The following TF variants were observed in gnomAD, a reference collection of about 807,000 sequenced individuals.
The protein encoded by TF is transferrin, also known as serotransferrin.
Under a neutral mutation model 82.4 loss-of-function variants are expected in TF, and 55 were observed. The ratio of observed to expected loss-of-function variants is 0.67; its 90% CI spans 0.54 to 0.84. The LOEUF (loss-of-function observed/expected upper bound fraction) is 0.84, where lower values mean the gene tolerates loss of function less well. Ranked by LOEUF, TF falls within the 40% of genes least tolerant of loss-of-function variation. TF has a pLI of 0.00. For missense variants in TF, 737 were observed against 868.4 expected, an observed-to-expected ratio of 0.85 and a Z score of 1.90; for synonymous variants, 332 against 332.6, an observed-to-expected ratio of 1.00 and a Z score of 0.02.
Position 133,795,521 on chromosome 3 carries a change from A to G in TF, c.*16901A>G, listed in dbSNP as rs1934944189. 1 of 151,226 alleles carries G rather than the reference A, an allele frequency of 6.6e-6. No homozygotes were observed. 9.4% of individuals were successfully genotyped at this position (151,226 alleles called of 1,614,324 possible). On this transcript the variant is annotated 3_prime_UTR_variant, in exon 17 of 17. Transcript: ENST00000402696. ...GAGAGTGGTGCTAAGTAAGGCCCTA[A>G]GTTTTGGTCACACTCTCACTTAAGT... is the stretch of plus-strand genomic sequence containing the variant.
At chr3:133,728,889 G>A in the TF span, among the ~76,000 whole-genome samples, 1 of 152,214 alleles carries the variant, frequency 6.6e-6, no homozygotes, top group African/African-American at 2.4e-5. Context: ...ACCCTCAGCT[G>A]CAGGACTGTT....
chr3:133,748,276 C>CCTA, intron 1 of TF, 136 bp from the exon 2 acceptor site: 2 of 1,098,598 alleles, frequency 1.8e-6, no homozygotes, highest in East Asian at 5.1e-5. Context: ...GAACTTGTGC[C>CCTA]CTGTAGTGTT....
chr3:133,757,239 G>A (rs8177235), intron 7 of TF, among the ~76,000 whole-genome samples: 11,527 of 152,232 alleles, frequency 0.076, 562 homozygotes, highest in East Asian at 0.24. Context: ...GACACCTGAA[G>A]AGGCTCTGTA....
the TF span, among the ~76,000 whole-genome samples, chr3:133,689,907 T>C: frequency 3.9e-5 from 6 of 152,204 alleles, no homozygotes; most frequent in African/African-American, 1.4e-4. Context: ...TACATATTTA[T>C]GGGGTAAATG....
the TF span, chr3:133,665,071 T>G: frequency 2.0e-5 from 3 of 152,164 alleles, no homozygotes; most frequent in Admixed American, 6.5e-5. Flanking sequence ...TCTAGTACTT[T>G]AGGAGGCCCA....
upstream of TF, among the ~76,000 whole-genome samples, chr3:133,742,707 C>A (rs1800276): frequency 6.6e-6 from 1 of 152,086 alleles, no homozygotes; most frequent in African/African-American, 2.4e-5. Flanking sequence ...GGGTGGGGGA[C>A]AGGAGGAACT....
chr3:133,694,377 A>G, the TF span: 1 of 152,992 alleles, frequency 6.5e-6, no homozygotes, highest in Non-Finnish European at 1.5e-5. Context: ...GTGAGACCCC[A>G]CTGCTCCTCC....
intron 11 of TF, among the ~76,000 whole-genome samples, chr3:133,765,333 C>G (rs1187909667): frequency 6.6e-6 from 1 of 152,178 alleles, no homozygotes; most frequent in African/African-American, 2.4e-5. Flanking sequence ...CAATAGAGAG[C>G]CTCACACAGG....
chr3:133,718,314 A>G, the TF span, among the ~76,000 whole-genome samples: 6 of 152,222 alleles, frequency 3.9e-5, no homozygotes, highest in Non-Finnish European at 7.3e-5. Flanking sequence ...AAGGTTGCCA[A>G]GAGTGAGGGC....
At chr3:133,764,837 A>C (rs1426230455) in intron 10 of TF, 38 bp from the exon 11 acceptor site, 2 of 1,602,300 alleles carry the variant, frequency 1.2e-6, no homozygotes, top group East Asian at 2.2e-5. Flanking sequence ...TCTATAAATC[A>C]GGGTTTAATG....
Position 133,781,327 on chromosome 3 carries a change from A to T in TF, c.*2707A>T, listed in dbSNP as rs907097188. Reference sequence around the variant, plus strand: ...GCAAAACTCTGTCTCAAAATAATAAAAATAATAATAATAATAAATAAAGTG... The same window carrying T: ...GCAAAACTCTGTCTCAAAATAATAATAATAATAATAATAATAAATAAAGTG... On this transcript the variant is annotated 3_prime_UTR_variant, in exon 17 of 17. Coordinates refer to ENST00000402696, the MANE Select transcript of TF (RefSeq NM_001063.4). 2.0e-5 allele frequency: 3 copies of T among 152,002 alleles called. No individual in the cohort carries two copies. Among genetic ancestry groups the T allele is most frequent in the African/African-American group, 4.8e-5 (2 of 41,424 alleles). 9.4% of individuals were successfully genotyped at this position (152,002 alleles called of 1,614,324 possible). A position where few individuals can be genotyped will look rare whatever the true frequency, so the allele number is the denominator to read the frequency against.
At chr3:133,685,918 G>T in the TF span, among the ~76,000 whole-genome samples, 3 of 152,144 alleles carry the variant, frequency 2.0e-5, no homozygotes, top group Admixed American at 2.0e-4. Flanking sequence ...GAACAAAGCT[G>T]GAGGCATCAC....
chr3:133,711,718 A>G, the TF span, among the ~76,000 whole-genome samples: 3 of 152,206 alleles, frequency 2.0e-5, no homozygotes, highest in Non-Finnish European at 4.4e-5. Context: ...CAATCTTTGC[A>G]AAGTGCAGAT....
chr3:133,780,938 G>A lies in TF; in HGVS notation c.*2318G>A, dbSNP rs1934503020. 1 of 152,180 alleles carries A rather than the reference G, an allele frequency of 6.6e-6. No individual in the cohort carries two copies. Among genetic ancestry groups the A allele is most frequent in the South Asian group, 2.1e-4 (1 of 4,822 alleles). The allele number at this position is 152,180 out of a possible 1,614,324, so 9.4% of individuals were successfully genotyped here. A position where few individuals can be genotyped will look rare whatever the true frequency, so the allele number is the denominator to read the frequency against. ...TGAAGCATGAGAAGTGCTTGATCCT[G>A]GGAGGCAGAGGTTGCAGTGAGCCAA... is the stretch of plus-strand genomic sequence containing the variant. On this transcript the variant is annotated 3_prime_UTR_variant, in exon 17 of 17. Coordinates refer to ENST00000402696, the MANE Select transcript of TF (RefSeq NM_001063.4).
At chr3:133,768,784 A>ATTTTTTTTTTTTTTTTTTTTTTTTTT (rs5852766) in intron 13 of TF, among the ~76,000 whole-genome samples, 1 of 82,168 alleles carries the variant, frequency 1.2e-5, no homozygotes, top group Non-Finnish European at 2.2e-5. Flanking sequence ...GTACCTTGCT[A>ATTTTTTTTTTTTTTTTTTTTTTTTTT]TTTTTTTTTT....
At chr3:133,702,169 T>A in the TF span, 1 of 152,620 alleles carries the variant, frequency 6.6e-6, no homozygotes, top group African/African-American at 2.4e-5. Context: ...CCTTCCCAAA[T>A]GCCTCTTCCT....
the TF span, among the ~76,000 whole-genome samples, chr3:133,716,042 A>G: frequency 6.6e-6 from 1 of 151,996 alleles, no homozygotes; most frequent in Non-Finnish European, 1.5e-5. Context: ...CTGGAATACC[A>G]CACTCTCTTG....
chr3:133,667,373 ACC>A, the TF span, among the ~76,000 whole-genome samples: 11 of 151,280 alleles, frequency 7.3e-5, no homozygotes, highest in East Asian at 1.6e-3. Flanking sequence ...AAAAAAAAAA[ACC>A]CAAGTATGTG....
chr3:133,755,531 G>C (rs1267994996), intron 5 of TF, 36 bp downstream of exon 5: 10 of 1,613,034 alleles, frequency 6.2e-6, no homozygotes, highest in Non-Finnish European at 6.8e-6. Context: ...GGTGGCCAAA[G>C]TGCCAAATGT....
Sources: allele counts gnomAD v4.1 joint callset (sites outside exome capture counted in the v4.1 genomes callset), GRCh38; gene constraint gnomAD v4.1.1; transcripts MANE v1.5; gene names NCBI Gene and HGNC (gene_info 2026-07-23, HGNC 2026-07-21).